Variants in B4GALNT1 observed in about 807,000 individuals in gnomAD.
B4GALNT1 encodes beta-1,4 N-acetylgalactosaminyltransferase 1.
A neutral mutation model predicts 55.2 loss-of-function variants in B4GALNT1; 43 were observed. The observed-to-expected ratio is 0.78, with a 90% CI of 0.61 to 1.00. The LOEUF is 1.00. B4GALNT1 is among the 50% of genes least tolerant of loss of function. B4GALNT1 has a pLI of 0.00. For missense variants in B4GALNT1, 664 were observed against 729.7 expected, an observed-to-expected ratio of 0.91 and a Z score of 1.04; for synonymous variants, 305 against 311.6, an observed-to-expected ratio of 0.98 and a Z score of 0.22.
Position 57,631,417 on chromosome 12 carries a change from C to G in B4GALNT1, c.219-53G>C. On this transcript the variant is annotated intron_variant, in intron 2 of 10. Coordinates refer to ENST00000341156, the MANE Select transcript of B4GALNT1 (RefSeq NM_001478.5). ...CAGAGCCCAGCTACACAGCTCCATT[C>G]ATCCCATAAACACTGACACAGCACC... 2.6e-5 allele frequency: 42 copies of G among 1,598,890 alleles called. No individual in the cohort carries two copies. The South Asian group carries it at 4.6e-4, about 17-fold the overall frequency.
At position 57,632,067 on chromosome 12, in the gene B4GALNT1, GAGCCCC is replaced by G; in HGVS notation, c.60_65del (p.Gly21_Leu22del). Reference sequence around the variant, plus strand: ...GCGCGTCCCGGGTGCTCGCGTACAGGAGCCCCAGCGAGGCGCAGGCGAGCAGAAGGA... The same window carrying G: ...GCGCGTCCCGGGTGCTCGCGTACAGGAGCGAGGCGCAGGCGAGCAGAAGGA... On this transcript the variant is annotated inframe_deletion, in exon 2 of 11. Transcript: ENST00000341156. 6.9e-7 allele frequency: 1 copy of G among 1,441,418 alleles called. No homozygotes were observed. Among genetic ancestry groups the G allele is most frequent in the East Asian group, 2.6e-5 (1 of 38,388 alleles). 89.3% of individuals were successfully genotyped at this position (1,441,418 alleles called of 1,614,324 possible). A position where few individuals can be genotyped will look rare whatever the true frequency, so the allele number is the denominator to read the frequency against.
chr12:57,631,316 G>C lies in B4GALNT1; in HGVS notation c.267C>G (p.Leu89=). The C allele has an allele frequency of 1.2e-6, 2 of 1,614,046 alleles. No individual in the cohort carries two copies. Among genetic ancestry groups the C allele is most frequent in the Non-Finnish European group, 1.7e-6 (2 of 1,179,972 alleles). Residue 89 remains leucine, a synonymous_variant, in exon 3 of 11, where the codon CTC becomes CTG. Transcript: ENST00000341156. ...NCSCESSGGG[L]PLPFQKQVRA... ...GGACTTGTTTCTGGAAGGGGAGGGG[G>C]AGGCCCCCCCCACTGGACTCACAAC...
At chr12:57,628,980 A>ACTGC in intron 7 of B4GALNT1, 68 bp downstream of exon 7, 1 of 1,598,050 alleles carries the variant, frequency 6.3e-7, no homozygotes, top group Non-Finnish European at 8.6e-7. Flanking sequence ...CCCTCCCAGG[A>ACTGC]CTGCCCTCTC....
At chr12:57,631,449 C>A (rs946481788) in intron 2 of B4GALNT1, 85 bp from the exon 3 acceptor site, 62 of 1,470,784 alleles carry the variant, frequency 4.2e-5, no homozygotes, top group Admixed American at 1.5e-4. Flanking sequence ...CACCCCACAC[C>A]TTGGCCCTGC....
rs1884822130 is a variant in B4GALNT1 at position 57,626,554 on chromosome 12, G to C, written c.*190C>G. ...GGTTATGGCTCCACCAGGCCTCTGG[G>C]CACTGGAAAAAGGAGGGGTGTCACC... On this transcript the variant is annotated 3_prime_UTR_variant, in exon 11 of 11. Transcript: ENST00000341156. 1.5e-6 allele frequency: 1 copy of C among 646,190 alleles called. No homozygotes were observed. The highest frequency in any genetic ancestry group is 1.9e-5 in the South Asian group (1 of 53,206). 40.0% of individuals were successfully genotyped at this position (646,190 alleles called of 1,614,324 possible).
In B4GALNT1 at chr12:57,623,752, A is replaced by T; in HGVS notation, c.*2992T>A. 1.7e-6 allele frequency: 2 copies of T among 1,177,792 alleles called. No individual in the cohort carries two copies. The highest frequency in any genetic ancestry group is 2.4e-6 in the Non-Finnish European group (2 of 817,846). The allele number at this position is 1,177,792 out of a possible 1,614,324, so 73.0% of individuals were successfully genotyped here. A position where few individuals can be genotyped will look rare whatever the true frequency, so the allele number is the denominator to read the frequency against. On this transcript the variant is annotated 3_prime_UTR_variant, in exon 11 of 11. Transcript: ENST00000341156. ...AGAAGGGAGACTTCCGAGGAAGATT[A>T]GGCAGAGTGGGCAGGAAGACCAGCT...
intron 1 of B4GALNT1, chr12:57,632,459 C>G: frequency 2.2e-6 from 1 of 448,476 alleles, no homozygotes; most frequent in Non-Finnish European, 4.1e-6. Flanking sequence ...GGAAAAGCCC[C>G]GCTCTATCAG....
Position 57,626,701 on chromosome 12 carries a change from G to A in B4GALNT1, c.*43C>T. On this transcript the variant is annotated 3_prime_UTR_variant, in exon 11 of 11. Coordinates refer to ENST00000341156, the MANE Select transcript of B4GALNT1 (RefSeq NM_001478.5). Reference sequence around the variant, plus strand: ...TGTTGGAAATTCCTGGCAGGGACAAGGAGGCAGGCCCAGCCTGACAGTCAG... The same window carrying A: ...TGTTGGAAATTCCTGGCAGGGACAAAGAGGCAGGCCCAGCCTGACAGTCAG... The A allele has an allele frequency of 6.2e-7, 1 of 1,606,302 alleles. No individual in the cohort carries two copies. Among genetic ancestry groups the A allele is most frequent in the Non-Finnish European group, 8.5e-7 (1 of 1,173,366 alleles).
In B4GALNT1 at chr12:57,630,345, T is replaced by C; in HGVS notation, c.532-13A>G. On this transcript the variant is annotated splice_polypyrimidine_tract_variant and intron_variant, in intron 5 of 10. Transcript: ENST00000341156. ...CAGTCAGGTTCACCTAGGAGGGGAT[T>C]GGAGAGTGCAGGGTTAGGCCCCAGA... 2 of 1,612,996 alleles carry C rather than the reference T, an allele frequency of 1.2e-6. No individual in the cohort carries two copies. The highest frequency in any genetic ancestry group is 1.7e-6 in the Non-Finnish European group (2 of 1,179,224).
chr12:57,633,170 T>C lies in B4GALNT1; in HGVS notation c.-400A>G, dbSNP rs990534446. 1.3e-5 allele frequency: 2 copies of C among 152,240 alleles called. No individual in the cohort carries two copies. Among genetic ancestry groups the C allele is most frequent in the Admixed American group, 6.5e-5 (1 of 15,290 alleles). 9.4% of individuals were successfully genotyped at this position (152,240 alleles called of 1,614,324 possible). On this transcript the variant is annotated 5_prime_UTR_variant, in exon 1 of 11. Coordinates refer to ENST00000341156, the MANE Select transcript of B4GALNT1 (RefSeq NM_001478.5). ...GCAGCGCGGCTCAGCTCCCGGCTCGTTGCGGCTGCTTCGGCTCCGCGCGGG... is the reference window on the plus strand; with the variant it reads ...GCAGCGCGGCTCAGCTCCCGGCTCGCTGCGGCTGCTTCGGCTCCGCGCGGG...
At chr12:57,629,910 T>A (rs771709302) in intron 6 of B4GALNT1, 20 of 1,535,102 alleles carry the variant, frequency 1.3e-5, no homozygotes, top group Admixed American at 5.9e-5. Context: ...CCCCCACAGT[T>A]GGCCTAAAGG....
chr12:57,627,905 C>A (rs780958330), intron 9 of B4GALNT1, 47 bp from the exon 10 acceptor site: 4 of 1,518,586 alleles, frequency 2.6e-6, no homozygotes, highest in Non-Finnish European at 3.5e-6. Flanking sequence ...GGATAGGGGA[C>A]CCGAAGGGGT....
Position 57,632,081 on chromosome 12 carries a change from C to A in B4GALNT1, c.52G>T (p.Ala18Ser). 6.9e-7 allele frequency: 1 copy of A among 1,445,816 alleles called. No homozygotes were observed. The highest frequency in any genetic ancestry group is 1.5e-5 in the South Asian group (1 of 66,720). The allele number at this position is 1,445,816 out of a possible 1,614,324, so 89.6% of individuals were successfully genotyped here. A position where few individuals can be genotyped will look rare whatever the true frequency, so the allele number is the denominator to read the frequency against. The change falls in exon 2 of 11, where the codon GCC becomes TCC. Residue 18 changes from alanine to serine, a missense_variant. Physicochemically the swap from Ala to Ser is moderately conservative, Grantham distance 99. Coordinates refer to ENST00000341156, the MANE Select transcript of B4GALNT1 (RefSeq NM_001478.5). ...LCALVLLLACASLGLLYASTR... is the reference protein window; with the variant it reads ...LCALVLLLACSSLGLLYASTR... ...CTCGCGTACAGGAGCCCCAGCGAGG[C>A]GCAGGCGAGCAGAAGGACCAGAGCG...
chr12:57,628,037 C>A, intron 9 of B4GALNT1, 85 bp downstream of exon 9: 1 of 1,567,582 alleles, frequency 6.4e-7, no homozygotes, highest in Non-Finnish European at 8.6e-7. Context: ...CTAGGGCTGG[C>A]CGTTCCTGGC....
chr12:57,632,214 C>T lies in B4GALNT1; in HGVS notation c.-1-81G>A, dbSNP rs975701263. On this transcript the variant is annotated intron_variant, in intron 1 of 10. Transcript: ENST00000341156. ...ATGGGGCCCTTGGCCCCCGCGTCCTCAGAGGCTCCTGCCGGCTCCCAAGAG... is the reference window on the plus strand; with the variant it reads ...ATGGGGCCCTTGGCCCCCGCGTCCTTAGAGGCTCCTGCCGGCTCCCAAGAG... 12 of 1,356,512 alleles carry T rather than the reference C, an allele frequency of 8.8e-6. No homozygotes were observed. The African/African-American group carries it at 1.6e-4, about 18-fold the overall frequency. 84.0% of individuals were successfully genotyped at this position (1,356,512 alleles called of 1,614,324 possible).
chr12:57,631,390 A>G, intron 2 of B4GALNT1, 26 bp from the exon 3 acceptor site: 1 of 1,613,144 alleles, frequency 6.2e-7, no homozygotes, highest in South Asian at 1.1e-5. Context: ...AGTGAGGGTC[A>G]TCAGAGCCCA....
In B4GALNT1 at chr12:57,631,367, G is replaced by C; in HGVS notation, c.219-3C>G. ...TGCAGTTGTTCCAAGCCAGCAGCCT[G>C]AAGGGGGTAGGTAGTGAGGGTCATC... On this transcript the variant is annotated splice_region_variant and splice_polypyrimidine_tract_variant and intron_variant, in intron 2 of 10. Coordinates refer to ENST00000341156, the MANE Select transcript of B4GALNT1 (RefSeq NM_001478.5). The C allele has an allele frequency of 6.2e-7, 1 of 1,613,942 alleles. No individual in the cohort carries two copies. Among genetic ancestry groups the C allele is most frequent in the Non-Finnish European group, 8.5e-7 (1 of 1,179,928 alleles).
chr12:57,624,036 C>T lies in B4GALNT1; in HGVS notation c.*2708G>A, dbSNP rs778350445. 2.0e-5 allele frequency: 32 copies of T among 1,612,030 alleles called. No individual in the cohort carries two copies. Among genetic ancestry groups the T allele is most frequent in the African/African-American group, 9.3e-5 (7 of 74,868 alleles). On this transcript the variant is annotated 3_prime_UTR_variant, in exon 11 of 11. Coordinates refer to ENST00000341156, the MANE Select transcript of B4GALNT1 (RefSeq NM_001478.5). ...GGCTTGCATCAACATCTCCAGCATG[C>T]GCCAGGTGTTCTGCCAGATGCAGGA...
intron 9 of B4GALNT1, 121 bp downstream of exon 9, chr12:57,628,001 C>A: frequency 4.0e-6 from 6 of 1,495,130 alleles, no homozygotes; most frequent in Admixed American, 2.2e-5. Context: ...AGTTCCCAGG[C>A]CCCACTTCGT....
Sources: allele counts gnomAD v4.1 joint callset, GRCh38; gene constraint gnomAD v4.1.1; transcripts MANE v1.5; gene names NCBI Gene and HGNC (gene_info 2026-07-23, HGNC 2026-07-21).